CHRM3: variants seen among roughly 807,000 people sequenced by gnomAD.
CHRM3 encodes muscarinic acetylcholine receptor M3.
Under a neutral mutation model 41.8 loss-of-function variants are expected in CHRM3, and 11 were observed. The observed-to-expected ratio is 0.26, with a 90% CI of 0.17 to 0.44. The LOEUF (loss-of-function observed/expected upper bound fraction) is 0.44. CHRM3 is among the 20% of genes least tolerant of loss of function. CHRM3 has a pLI of 1.00. For missense variants in CHRM3, 571 were observed against 745.4 expected (o/e 0.77, Z 2.72); for synonymous variants, 297 against 301.4 (o/e 0.99, Z 0.15).
intron 1 of CHRM3, among the ~76,000 whole-genome samples, chr1:239,447,345 C>T (rs994279543): frequency 1.3e-5 from 2 of 152,030 alleles, no homozygotes; most frequent in Non-Finnish European, 2.9e-5. Context: ...TAAGTAAAGT[C>T]ACCTTTACAA....
chr1:239,441,154 CATT>C (rs557912322), intron 1 of CHRM3, among the ~76,000 whole-genome samples: 317 of 152,218 alleles, frequency 2.1e-3, no homozygotes, highest in Middle Eastern at 6.8e-3. Flanking sequence ...AGGTACGCAT[CATT>C]ATTTGCTGAT....
chr1:239,832,988 AT>A (rs1673018635), intron 6 of CHRM3, among the ~76,000 whole-genome samples: 2 of 152,024 alleles, frequency 1.3e-5, no homozygotes, highest in South Asian at 4.2e-4. Flanking sequence ...TCCCAGCCTC[AT>A]TTTTCCCAGC....
At chr1:239,701,690 C>T (rs1003790280) in intron 5 of CHRM3, among the ~76,000 whole-genome samples, 17 of 152,172 alleles carry the variant, frequency 1.1e-4, no homozygotes, top group African/African-American at 3.6e-4. Context: ...TAATAGACTC[C>T]AGTTAGAAAT....
intron 1 of CHRM3, among the ~76,000 whole-genome samples, chr1:239,465,587 G>A (rs375275541): frequency 4.6e-5 from 7 of 152,086 alleles, no homozygotes; most frequent in Admixed American, 3.9e-4. Context: ...CATCACTGAC[G>A]TCGGGTTTGC....
At chr1:239,635,843 T>C (rs1401038973) in intron 4 of CHRM3, among the ~76,000 whole-genome samples, 2 of 152,172 alleles carry the variant, frequency 1.3e-5, no homozygotes, top group Non-Finnish European at 2.9e-5. Flanking sequence ...AAATGTTTGT[T>C]GAGTAAATGA....
At chr1:239,468,812 A>G (rs1665911805) in intron 1 of CHRM3, among the ~76,000 whole-genome samples, 1 of 152,214 alleles carries the variant, frequency 6.6e-6, no homozygotes, top group African/African-American at 2.4e-5. Context: ...AGCATCGGCT[A>G]TGTGGCTCCG....
chr1:239,671,784 C>G (rs1054889937), intron 4 of CHRM3, among the ~76,000 whole-genome samples: 1 of 151,132 alleles, frequency 6.6e-6, no homozygotes, highest in Non-Finnish European at 1.5e-5. Context: ...TTTCTAAATT[C>G]TTTTTTTAGT....
At chr1:239,561,119 C>A (rs1490011195) in intron 3 of CHRM3, among the ~76,000 whole-genome samples, 4 of 152,120 alleles carry the variant, frequency 2.6e-5, no homozygotes, top group African/African-American at 9.7e-5. Context: ...TAGGTAGTAA[C>A]CTTTCACCTG....
chr1:239,668,809 T>C (rs1264758108), intron 4 of CHRM3, among the ~76,000 whole-genome samples: 1 of 152,192 alleles, frequency 6.6e-6, no homozygotes, highest in Non-Finnish European at 1.5e-5. Flanking sequence ...ATGTGTTTTC[T>C]TGTCCAGTCT....
Position 239,601,681 on chromosome 1 carries a change from T to C in CHRM3, c.-312-30543T>C, listed in dbSNP as rs547918542. Among the ~76,000 whole-genome samples the C allele has an allele frequency of 3.9e-5, 6 of 152,288 alleles. No individual in the cohort carries two copies. In the East Asian group the frequency reaches 9.6e-4, roughly 24 times the overall value. ...TTTTGTGATGATTAAATACAAGAGA[T>C]AAATAAAATATCCAATATAATAAGT... On this transcript the variant is annotated intron_variant, in intron 3 of 6. Transcript: ENST00000676153.
intron 5 of CHRM3, among the ~76,000 whole-genome samples, chr1:239,800,374 T>A (rs575369419): frequency 1.3e-5 from 2 of 152,216 alleles, no homozygotes; most frequent in African/African-American, 4.8e-5. Context: ...CATCTCTTTG[T>A]TCCTCACATT....
At chr1:239,400,899 C>T (rs201182702) in intron 1 of CHRM3, among the ~76,000 whole-genome samples, 1 of 152,048 alleles carries the variant, frequency 6.6e-6, no homozygotes, top group Admixed American at 6.6e-5. Flanking sequence ...TAAAAGGAAA[C>T]TGAAACATAC....
chr1:239,762,399 C>T (rs553946435), intron 5 of CHRM3, among the ~76,000 whole-genome samples: 4 of 152,246 alleles, frequency 2.6e-5, no homozygotes, highest in South Asian at 2.1e-4. Context: ...TTTTATGACA[C>T]ATACTTTTTG....
intron 2 of CHRM3, among the ~76,000 whole-genome samples, chr1:239,528,731 A>G (rs1407162681): frequency 6.6e-6 from 1 of 152,148 alleles, no homozygotes; most frequent in East Asian, 1.9e-4. Context: ...CGTCTCTACT[A>G]AAAATACATA....
At chr1:239,444,190 C>T (rs1558228851) in intron 1 of CHRM3, among the ~76,000 whole-genome samples, 1 of 152,104 alleles carries the variant, frequency 6.6e-6, no homozygotes, top group African/African-American at 2.4e-5. Flanking sequence ...GTTCAGGAGT[C>T]ACGGAATTAG....
intron 1 of CHRM3, among the ~76,000 whole-genome samples, chr1:239,448,437 G>T (rs1187340662): frequency 6.6e-6 from 1 of 152,090 alleles, no homozygotes; most frequent in Non-Finnish European, 1.5e-5. Flanking sequence ...GTCTAGAATA[G>T]ATTCCATTCA....
At chr1:239,770,279 T>C (rs1035229923) in intron 5 of CHRM3, among the ~76,000 whole-genome samples, 4 of 152,144 alleles carry the variant, frequency 2.6e-5, no homozygotes, top group Non-Finnish European at 4.4e-5. Context: ...GCCTAGACAG[T>C]GTATGTGTTT....
At chr1:239,893,579 G>A (rs1382603158) in intron 6 of CHRM3, among the ~76,000 whole-genome samples, 2 of 152,004 alleles carry the variant, frequency 1.3e-5, no homozygotes, top group Non-Finnish European at 1.5e-5. Flanking sequence ...GCTATTGTGT[G>A]GATGAAATGA....
intron 1 of CHRM3, among the ~76,000 whole-genome samples, chr1:239,403,094 A>G (rs1225520902): frequency 6.6e-6 from 1 of 152,174 alleles, no homozygotes. Flanking sequence ...AACATTTACC[A>G]TACTTATCTG....
Sources: gnomAD v4.1 joint callset for allele counts (sites outside exome capture counted in the v4.1 genomes callset) on GRCh38, gnomAD v4.1.1 for gene constraint, MANE v1.5 for transcripts, NCBI Gene and HGNC (gene_info 2026-07-23, HGNC 2026-07-21) for gene names.